The following PCDH15 variants were observed in gnomAD, a reference collection of about 807,000 sequenced individuals.
PCDH15 encodes the protein protocadherin related 15.
In PCDH15, 129 loss-of-function variants were observed where a neutral mutation model predicts 178.5. The ratio of observed to expected loss-of-function variants is 0.72; its 90% CI spans 0.63 to 0.84. The LOEUF (loss-of-function observed/expected upper bound fraction) is 0.84. PCDH15 is among the 40% of genes least tolerant of loss of function. The pLI is 0.00. For synonymous variants in PCDH15, 800 were observed against 732.0 expected (o/e 1.09, Z -1.50); for missense variants, 2,230 against 2,099.9 (o/e 1.06, Z -1.21).
intron 1 of PCDH15, among the ~76,000 whole-genome samples, chr10:55,209,922 A>T (rs1840515813): frequency 6.6e-6 from 1 of 152,058 alleles, no homozygotes. Flanking sequence ...ATAAGGAGAC[A>T]GAGGAGGAAC....
At chr10:54,084,913 A>G (rs12246437) in intron 16 of PCDH15, among the ~76,000 whole-genome samples, 4,111 of 152,218 alleles carry the variant, frequency 0.027, 186 homozygotes, top group African/African-American at 0.09. Context: ...ATGATATTTA[A>G]AGAGATTAGA....
intron 2 of PCDH15, among the ~76,000 whole-genome samples, chr10:55,589,652 G>A (rs1842799627): frequency 3.3e-5 from 5 of 152,090 alleles, no homozygotes; most frequent in African/African-American, 9.7e-5. Flanking sequence ...AATGGGCGAA[G>A]GATATGAACA....
intron 2 of PCDH15, among the ~76,000 whole-genome samples, chr10:55,160,292 C>T (rs937799424): frequency 4.0e-5 from 6 of 151,510 alleles, no homozygotes; most frequent in Non-Finnish European, 7.4e-5. Flanking sequence ...GAAAGCAATC[C>T]GGGAGGCAGC....
chr10:54,196,302 A>G (rs1367673006), intron 10 of PCDH15, among the ~76,000 whole-genome samples: 1 of 151,666 alleles, frequency 6.6e-6, no homozygotes, highest in African/African-American at 2.4e-5. Flanking sequence ...ACCACCACGC[A>G]TGGCTAATGT....
At chr10:53,821,422 C>T (rs1032958852) in intron 32 of PCDH15, 30 of 1,002,610 alleles carry the variant, frequency 3.0e-5, no homozygotes, top group Non-Finnish European at 3.5e-5. Flanking sequence ...AAAACAGAAC[C>T]TATCAATCAT....
At chr10:54,505,390 T>A (rs931699735) in intron 3 of PCDH15, among the ~76,000 whole-genome samples, 5 of 152,164 alleles carry the variant, frequency 3.3e-5, no homozygotes, top group Admixed American at 2.0e-4. Context: ...TTTGTCTGTG[T>A]GTAATATGGA....
chr10:54,641,481 A>C (rs540518907), intron 2 of PCDH15, among the ~76,000 whole-genome samples: 5 of 152,028 alleles, frequency 3.3e-5, no homozygotes, highest in Non-Finnish European at 7.4e-5. Flanking sequence ...TATATTAGTG[A>C]ATGGCCCTAT....
At chr10:54,506,059 T>G (rs1406181203) in intron 3 of PCDH15, among the ~76,000 whole-genome samples, 2 of 152,130 alleles carry the variant, frequency 1.3e-5, no homozygotes, top group Non-Finnish European at 2.9e-5. Context: ...TGTTAGATAT[T>G]TTTCACCTTG....
At chr10:53,813,908 T>G (rs779517836) in intron 35 of PCDH15, among the ~76,000 whole-genome samples, 2 of 152,192 alleles carry the variant, frequency 1.3e-5, no homozygotes, top group Non-Finnish European at 2.9e-5. Flanking sequence ...CTGTAAAAAT[T>G]CATCTAGTTA....
intron 3 of PCDH15, among the ~76,000 whole-genome samples, chr10:54,410,215 TGAA>T (rs559140386): frequency 3.2e-4 from 49 of 152,258 alleles, no homozygotes; most frequent in African/African-American, 6.7e-4. Flanking sequence ...GGGATGGATT[TGAA>T]GAAGAAGTTT....
At position 54,370,827 on chromosome 10, in the gene PCDH15, A is replaced by G. The variant is rs1362530514; in HGVS notation, c.319-1552T>C. Among the ~76,000 whole-genome samples, 3 of 151,916 alleles carry G rather than the reference A, an allele frequency of 2.0e-5. No homozygotes were observed. In the Admixed American group the frequency reaches 2.0e-4, roughly 10 times the overall value. On this transcript the variant is annotated intron_variant, in intron 4 of 37. Transcript: ENST00000644397. ...GAAAAATGCTACAGAAACTATATCT[A>G]AGCTGAAGGAAATCATTATTTAGTT...
chr10:55,405,867 A>C (rs1293775302), intron 2 of PCDH15, among the ~76,000 whole-genome samples: 2 of 151,942 alleles, frequency 1.3e-5, no homozygotes, highest in Non-Finnish European at 2.9e-5. Context: ...TTAATGTTAG[A>C]AGCTTACAAA....
At chr10:54,569,977 A>G (rs939838161) in intron 2 of PCDH15, among the ~76,000 whole-genome samples, 1 of 152,102 alleles carries the variant, frequency 6.6e-6, no homozygotes, top group African/African-American at 2.4e-5. Context: ...AGACCTCTAG[A>G]GGAGGGCTAC....
chr10:54,581,359 C>A (rs2091018319), intron 2 of PCDH15, among the ~76,000 whole-genome samples: 1 of 152,028 alleles, frequency 6.6e-6, no homozygotes, highest in Non-Finnish European at 1.5e-5. Flanking sequence ...AATTAAATGT[C>A]TATGAATACA....
intron 2 of PCDH15, among the ~76,000 whole-genome samples, chr10:55,592,231 T>C (rs536941264): frequency 3.3e-5 from 5 of 152,274 alleles, no homozygotes; most frequent in Admixed American, 6.5e-5. Flanking sequence ...GGCTGAAATA[T>C]ACAATGTATT....
intron 1 of PCDH15, among the ~76,000 whole-genome samples, chr10:54,800,064 C>A (rs1007273480): frequency 3.9e-5 from 6 of 152,000 alleles, no homozygotes; most frequent in Non-Finnish European, 4.4e-5. Flanking sequence ...TTGGAGTTAA[C>A]CTTACAGGAG....
At chr10:55,522,029 T>G (rs537325796) in intron 2 of PCDH15, among the ~76,000 whole-genome samples, 1 of 152,020 alleles carries the variant, frequency 6.6e-6, no homozygotes, top group South Asian at 2.1e-4. Context: ...AATTATAAGT[T>G]GAACCATCAT....
At chr10:54,604,542 C>A (rs1307014966) in intron 2 of PCDH15, among the ~76,000 whole-genome samples, 1 of 151,922 alleles carries the variant, frequency 6.6e-6, no homozygotes, top group Admixed American at 6.6e-5. Flanking sequence ...CCCCTGGAGA[C>A]AGTTTTTGAC....
At chr10:55,193,964 T>A (rs955521232) in intron 1 of PCDH15, among the ~76,000 whole-genome samples, 1 of 152,030 alleles carries the variant, frequency 6.6e-6, no homozygotes, top group Non-Finnish European at 1.5e-5. Context: ...TGAATAATAC[T>A]AATATTAGCT....
Sources: allele counts gnomAD v4.1 joint callset (sites outside exome capture counted in the v4.1 genomes callset), GRCh38; gene constraint gnomAD v4.1.1; transcripts MANE v1.5; gene names NCBI Gene and HGNC (gene_info 2026-07-23, HGNC 2026-07-21).